Variants in AGK observed in about 807,000 individuals in gnomAD.
The protein encoded by AGK is acylglycerol kinase, mitochondrial.
Under a neutral mutation model 66.4 loss-of-function variants are expected in AGK, and 52 were observed. That is an observed-to-expected ratio of 0.78 (90% CI 0.63 to 0.99). The LOEUF (loss-of-function observed/expected upper bound fraction) is 0.99. Among genes scored for constraint, AGK ranks in the 50% least tolerant of loss-of-function variants. The pLI is 0.00. For synonymous variants in AGK, 182 were observed against 181.1 expected, an observed-to-expected ratio of 1.00 and a Z score of -0.04; for missense variants, 451 against 506.6, an observed-to-expected ratio of 0.89 and a Z score of 1.05.
At chr7:141,578,262 C>A (rs531653352) in intron 2 of AGK, among the ~76,000 whole-genome samples, 1 of 150,918 alleles carries the variant, frequency 6.6e-6, no homozygotes, top group African/African-American at 2.5e-5. Context: ...TGTTCTCTGG[C>A]TGGCAGGGGT....
intron 11 of AGK, among the ~76,000 whole-genome samples, chr7:141,639,906 C>T (rs930220920): frequency 2.6e-5 from 4 of 151,984 alleles, no homozygotes; most frequent in Non-Finnish European, 5.9e-5. Context: ...CTTTTTAGGA[C>T]ATATTGTAGA....
chr7:141,641,827 G>A lies in AGK; in HGVS notation c.894G>A (p.Val298=). The A allele has an allele frequency of 6.3e-7, 1 of 1,579,700 alleles. No homozygotes were observed. The highest frequency in any genetic ancestry group is 8.6e-7 in the Non-Finnish European group (1 of 1,161,628). ...TTCCCACAGCCCTTTCCCAAGAGGTGAGCCCGGAGGTCTGGAAAGATGTGC... is the reference window on the plus strand; with the variant it reads ...TTCCCACAGCCCTTTCCCAAGAGGTAAGCCCGGAGGTCTGGAAAGATGTGC... ...AQPQDALSQE[V]SPEVWKDVQL... Residue 298 remains valine, a synonymous_variant, in exon 13 of 16, where the codon GTG becomes GTA. Transcript: ENST00000649286.
chr7:141,551,500 G>T (rs1225255296), intron 1 of AGK, 66 bp downstream of exon 1: 1 of 153,142 alleles, frequency 6.5e-6, no homozygotes, highest in Non-Finnish European at 1.5e-5. Context: ...CGCGAGCGGG[G>T]TGGGAGTCGG....
At chr7:141,568,647 C>T (rs1021228231) in intron 2 of AGK, among the ~76,000 whole-genome samples, 6 of 151,828 alleles carry the variant, frequency 4.0e-5, no homozygotes, top group African/African-American at 1.5e-4. Context: ...TCTTGGCTCA[C>T]TGCAACCTCC....
chr7:141,606,235 G>A (rs1481283952), intron 5 of AGK, among the ~76,000 whole-genome samples: 1 of 152,144 alleles, frequency 6.6e-6, no homozygotes. Context: ...ATAGTCTTTG[G>A]AATAATCAAG....
intron 2 of AGK, among the ~76,000 whole-genome samples, chr7:141,556,028 A>ATT (rs1795203942): frequency 1.3e-5 from 2 of 152,172 alleles, no homozygotes; most frequent in Non-Finnish European, 2.9e-5. Flanking sequence ...CATTTTAGGG[A>ATT]GATATGACAC....
At chr7:141,640,518 C>A (rs564582914) in intron 11 of AGK, among the ~76,000 whole-genome samples, 9 of 152,206 alleles carry the variant, frequency 5.9e-5, no homozygotes, top group Admixed American at 1.3e-4. Context: ...ACAAAAGAAT[C>A]AACCAGAAGA....
rs79936982 is a variant in AGK, at chr7:141,632,435, T to C, written c.589-1466T>C. On this transcript the variant is annotated intron_variant, in intron 9 of 15. Coordinates refer to ENST00000649286, the MANE Select transcript of AGK (RefSeq NM_018238.4). Reference sequence around the variant, plus strand: ...TGATGCCCCTGTGCTGGCTGTCTTATGGGTTCATGTGTGAATTCTTTGGGA... The same window carrying C: ...TGATGCCCCTGTGCTGGCTGTCTTACGGGTTCATGTGTGAATTCTTTGGGA... 1.2e-3 allele frequency among the ~76,000 whole-genome samples: 179 copies of C among 152,308 alleles called. 3 individuals carry two copies. The East Asian group carries it at 0.03, about 26-fold the overall frequency.
At chr7:141,640,774 T>C (rs1797270630) in intron 11 of AGK, among the ~76,000 whole-genome samples, 1 of 151,788 alleles carries the variant, frequency 6.6e-6, no homozygotes, top group Non-Finnish European at 1.5e-5. Context: ...AGTGTGAGGG[T>C]GATGGGCTTT....
At chr7:141,553,724 C>CCTGA (rs1404323242) in intron 1 of AGK, among the ~76,000 whole-genome samples, 10 of 152,146 alleles carry the variant, frequency 6.6e-5, no homozygotes, top group Non-Finnish European at 1.3e-4. Context: ...CATGTGTCAG[C>CCTGA]CTGACGGTGT....
intron 2 of AGK, among the ~76,000 whole-genome samples, chr7:141,580,550 A>C (rs1027133177): frequency 2.6e-5 from 4 of 152,040 alleles, no homozygotes; most frequent in African/African-American, 9.7e-5. Context: ...ACAAAGAGTG[A>C]GTATAGCTGA....
intron 1 of AGK, among the ~76,000 whole-genome samples, chr7:141,553,645 G>A (rs930136709): frequency 6.6e-6 from 1 of 152,160 alleles, no homozygotes; most frequent in Non-Finnish European, 1.5e-5. Flanking sequence ...TTATTAAAGG[G>A]CTCTTGAATG....
chr7:141,614,277 A>G, intron 7 of AGK, 99 bp downstream of exon 7: 1 of 879,276 alleles, frequency 1.1e-6, no homozygotes. Context: ...ATATTTTAAA[A>G]CGGGTACAAA....
chr7:141,633,040 G>T (rs1322162519), intron 9 of AGK, among the ~76,000 whole-genome samples: 2 of 152,196 alleles, frequency 1.3e-5, no homozygotes, highest in Admixed American at 6.5e-5. Flanking sequence ...TTTGCCTCCA[G>T]TTCCTACTCT....
At chr7:141,577,787 C>T (rs1339904633) in intron 2 of AGK, among the ~76,000 whole-genome samples, 2 of 151,790 alleles carry the variant, frequency 1.3e-5, no homozygotes, top group East Asian at 3.9e-4. Context: ...TTGTCCTGCC[C>T]TTCCAGATCG....
intron 2 of AGK, among the ~76,000 whole-genome samples, chr7:141,570,342 AC>A (rs1795573148): frequency 6.6e-6 from 1 of 152,148 alleles, no homozygotes; most frequent in South Asian, 2.1e-4. Flanking sequence ...AGCCGAGATC[AC>A]GCCATTGCAC....
intron 2 of AGK, among the ~76,000 whole-genome samples, chr7:141,561,083 G>A (rs892218515): frequency 8.5e-5 from 13 of 152,170 alleles, no homozygotes; most frequent in African/African-American, 2.2e-4. Flanking sequence ...GTGAGCCACC[G>A]CGCCCGGCCC....
At position 141,630,428 on chromosome 7, in the gene AGK, A is replaced by G. The variant is rs117498152; in HGVS notation, c.589-3473A>G. Among the ~76,000 whole-genome samples the G allele has an allele frequency of 4.3e-3, 662 of 152,332 alleles. 1 individual carries two copies. The highest frequency in any genetic ancestry group is 7.3e-3 in the Non-Finnish European group (495 of 68,022). ...AATAAACTTCAAATGTCTCACCACA[A>G]AAAAGGATAAGTAAATGAGGTGATG... On this transcript the variant is annotated intron_variant, in intron 9 of 15. Transcript: ENST00000649286.
At chr7:141,591,516 G>C (rs1186827698) in intron 2 of AGK, among the ~76,000 whole-genome samples, 1 of 152,116 alleles carries the variant, frequency 6.6e-6, no homozygotes, top group Admixed American at 6.5e-5. Context: ...TGGAATCACT[G>C]AGCAGCAGCC....
Sources: gnomAD v4.1 joint callset for allele counts (sites outside exome capture counted in the v4.1 genomes callset) on GRCh38, gnomAD v4.1.1 for gene constraint, MANE v1.5 for transcripts, NCBI Gene and HGNC (gene_info 2026-07-23, HGNC 2026-07-21) for gene names.